The following RSF1 variants were observed in gnomAD, a reference collection of about 807,000 sequenced individuals.
The protein encoded by RSF1 is remodeling and spacing factor 1, also known as HBV pX-associated protein 8.
RSF1 carries 13 observed loss-of-function variants against 145.2 expected under a neutral mutation model. The ratio of observed to expected loss-of-function variants is 0.09; its 90% CI spans 0.06 to 0.14. RSF1 has a LOEUF of 0.14. RSF1 is among the 10% of genes least tolerant of loss of function. RSF1 has a pLI of 1.00. For synonymous variants in RSF1, 577 were observed against 592.6 expected (o/e 0.97, Z 0.38); for missense variants, 1,517 against 1,718.2 (o/e 0.88, Z 2.07).
chr11:77,768,919 CAT>C (rs2135942508), intron 1 of RSF1, among the ~76,000 whole-genome samples: 1 of 152,340 alleles, frequency 6.6e-6, no homozygotes, highest in South Asian at 2.1e-4. Context: ...CCATTAGCCA[CAT>C]GTGTCTACTG....
Position 77,692,233 on chromosome 11 carries a change from A to ATTTTTTTTTTTTTTTTTTTTTTTTT in RSF1, c.2821-1020_2821-996dup, listed in dbSNP as rs71046904. Among the ~76,000 whole-genome samples, 6 of 49,472 alleles carry ATTTTTTTTTTTTTTTTTTTTTTTTT rather than the reference A, an allele frequency of 1.2e-4. 2 individuals carry two copies. The highest frequency in any genetic ancestry group is 5.1e-4 in the African/African-American group (4 of 7,840). 32.5% of individuals were successfully genotyped at this position (49,472 alleles called of 152,430 possible). On this transcript the variant is annotated intron_variant, in intron 8 of 15. Coordinates refer to ENST00000308488, the MANE Select transcript of RSF1 (RefSeq NM_016578.4). ...AAAAAATAATTATTACTACTTTTAAATTTTTTTTTTTTTTTTTTTTTTTTT... is the reference window on the plus strand; with the variant it reads ...AAAAAATAATTATTACTACTTTTAAATTTTTTTTTTTTTTTTTTTTTTTTTTTTTTTTTTTTTTTTTTTTTTTTTT...
At chr11:77,832,959 G>A in the RSF1 span, among the ~76,000 whole-genome samples, 17 of 17,740 alleles carry the variant, frequency 9.6e-4, no homozygotes, top group African/African-American at 0.011. Context: ...ATATGTGTGT[G>A]TGTGTGTGTG....
At chr11:77,872,208 C>T in the RSF1 span, 1 of 1,613,788 alleles carries the variant, frequency 6.2e-7, no homozygotes, top group Non-Finnish European at 8.5e-7. Flanking sequence ...CCTCAAGAAA[C>T]ATGGCATTGA....
At chr11:77,778,292 A>G (rs954275653) in intron 1 of RSF1, among the ~76,000 whole-genome samples, 27 of 144,432 alleles carry the variant, frequency 1.9e-4, no homozygotes, top group Admixed American at 1.4e-4. Context: ...AGGGGAAAAA[A>G]TACCTTCAGG....
In RSF1 at chr11:77,681,835, A is replaced by G. The variant is rs1959869755; in HGVS notation, c.3065+1875T>C. Among the ~76,000 whole-genome samples the G allele has an allele frequency of 2.0e-5, 3 of 152,330 alleles. No individual in the cohort carries two copies. In the South Asian group the frequency reaches 6.2e-4, roughly 32 times the overall value. Reference sequence around the variant, plus strand: ...TTCTCTGCTTCCACAGACAAGCTTCAGGTCTTTTTCAGTATAAAACGCCAT... The same window carrying G: ...TTCTCTGCTTCCACAGACAAGCTTCGGGTCTTTTTCAGTATAAAACGCCAT... On this transcript the variant is annotated intron_variant, in intron 11 of 15. Transcript: ENST00000308488.
rs763799322 is a variant in RSF1 at position 77,747,108 on chromosome 11, A to G, written c.300T>C (p.Ser100=). ...TCTTCTCCATCTCCCATGCCCAGGT[A>G]CTGTTAAACTCTTGGCATATCTGTC... ...YLIKICQEFN[S]TWAWEMEKKG... The change falls in exon 3 of 16, where the codon AGT becomes AGC. Residue 100 remains serine (S), a synonymous_variant. Coordinates refer to ENST00000308488, the MANE Select transcript of RSF1 (RefSeq NM_016578.4). 4.3e-6 allele frequency: 7 copies of G among 1,610,296 alleles called. No individual in the cohort carries two copies. The East Asian group carries it at 1.3e-4, about 31-fold the overall frequency.
At chr11:77,705,868 A>AAACAAAAAAACCCAACAAACC (rs1960536030) in intron 5 of RSF1, among the ~76,000 whole-genome samples, 1 of 152,134 alleles carries the variant, frequency 6.6e-6, no homozygotes, top group Admixed American at 6.5e-5. Flanking sequence ...AAAACCAAAA[A>AAACAAAAAAACCCAACAAACC]AACAAAAAAA....
At chr11:77,707,085 AT>A (rs1452544991) in intron 5 of RSF1, among the ~76,000 whole-genome samples, 1 of 152,216 alleles carries the variant, frequency 6.6e-6, no homozygotes, top group African/African-American at 2.4e-5. Flanking sequence ...GTGTTTGCAC[AT>A]TGCTTTATAG....
chr11:77,715,694 C>T (rs151223806), intron 5 of RSF1, among the ~76,000 whole-genome samples: 329 of 152,314 alleles, frequency 2.2e-3, no homozygotes, highest in African/African-American at 7.1e-3. Flanking sequence ...GTGATCCTCC[C>T]GCCTCAGCCT....
At position 77,784,571 on chromosome 11, in the gene RSF1, A is replaced by G. The variant is rs114623355; in HGVS notation, c.188-19882T>C. 3.2e-3 allele frequency among the ~76,000 whole-genome samples: 484 copies of G among 152,272 alleles called. 2 individuals carry two copies. Among genetic ancestry groups the G allele is most frequent in the African/African-American group, 0.011 (473 of 41,554 alleles). On this transcript the variant is annotated intron_variant, in intron 1 of 15. Coordinates refer to ENST00000308488, the MANE Select transcript of RSF1 (RefSeq NM_016578.4). ...TGAGTAAATTAAGCTTGGATGTTGG[A>G]AAATATCAATGTTACCATGCTGCTA...
chr11:77,741,415 C>T (rs972234508), intron 3 of RSF1, among the ~76,000 whole-genome samples: 1 of 152,148 alleles, frequency 6.6e-6, no homozygotes, highest in South Asian at 2.1e-4. Flanking sequence ...TGGTGGTGCA[C>T]GCCTACAGTC....
upstream of RSF1, chr11:77,821,348 GAGAAGGTT>G (rs1249222099): frequency 1.9e-5 from 3 of 158,350 alleles, no homozygotes; most frequent in Non-Finnish European, 4.1e-5. Flanking sequence ...ACAGTTGTGG[GAGAAGGTT>G]GGGAAGGGGA....
At chr11:77,828,537 A>G in the RSF1 span, among the ~76,000 whole-genome samples, 1 of 150,988 alleles carries the variant, frequency 6.6e-6, no homozygotes, top group African/African-American at 2.4e-5. Flanking sequence ...CGGGTGGGGT[A>G]GTGGGCGCCT....
chr11:77,832,949 ATATGTGTGTGTGTGTG>A, the RSF1 span, among the ~76,000 whole-genome samples: 131 of 96,262 alleles, frequency 1.4e-3, 5 homozygotes, highest in African/African-American at 4.6e-3. Context: ...TTGTATATAT[ATATGTGTGTGTGTGTG>A]TGTGTGTGTG....
intron 9 of RSF1, among the ~76,000 whole-genome samples, chr11:77,687,176 T>C (rs768308595): frequency 6.6e-6 from 1 of 152,154 alleles, no homozygotes; most frequent in South Asian, 2.1e-4. Context: ...TGTGTATACA[T>C]GCACACACAC....
At chr11:77,845,351 T>G in the RSF1 span, among the ~76,000 whole-genome samples, 1 of 152,170 alleles carries the variant, frequency 6.6e-6, no homozygotes, top group Non-Finnish European at 1.5e-5. Flanking sequence ...TTTTGTTGAT[T>G]CTTATCTGCT....
intron 4 of RSF1, among the ~76,000 whole-genome samples, chr11:77,728,866 TAA>T (rs550635070): frequency 6.9e-6 from 1 of 143,970 alleles, no homozygotes. Flanking sequence ...GCATAACTTG[TAA>T]AAAAAAAAAA....
Position 77,693,546 on chromosome 11 carries a change from G to C in RSF1, c.2781C>G (p.Ile927Met). The C allele has an allele frequency of 6.2e-7, 1 of 1,613,924 alleles. No individual in the cohort carries two copies. Among genetic ancestry groups the C allele is most frequent in the South Asian group, 1.1e-5 (1 of 91,040 alleles). Residue 927 changes from isoleucine (I) to methionine (M), a missense_variant, in exon 8 of 16, where the codon ATC (isoleucine) becomes ATG (methionine). Physicochemically the swap from Ile to Met is conservative, Grantham distance 10. Transcript: ENST00000308488. ...HTACLRPPLMIIPDGEWFCPP... is the reference protein window; with the variant it reads ...HTACLRPPLMMIPDGEWFCPP... ...GGCAGAACCATTCTCCATCTGGGATGATCATCAGAGGAGGGCGAAGGCAGG... is the reference window on the plus strand; with the variant it reads ...GGCAGAACCATTCTCCATCTGGGATCATCATCAGAGGAGGGCGAAGGCAGG...
Position 77,742,424 on chromosome 11 carries a change from G to C in RSF1, c.373-1488C>G, listed in dbSNP as rs574934819. On this transcript the variant is annotated intron_variant, in intron 3 of 15. Coordinates refer to ENST00000308488, the MANE Select transcript of RSF1 (RefSeq NM_016578.4). The stretch of plus-strand genomic sequence containing the variant: ...CCTCCTGAGTAGCTGGGACTACAGG[G>C]GCGTGCCACCATGCCCAGCTAATTT... Among the ~76,000 whole-genome samples, 3 of 152,062 alleles carry C rather than the reference G, an allele frequency of 2.0e-5. No homozygotes were observed. In the South Asian group the frequency reaches 6.2e-4, roughly 32 times the overall value.
Sources: allele counts gnomAD v4.1 joint callset (sites outside exome capture counted in the v4.1 genomes callset), GRCh38; gene constraint gnomAD v4.1.1; transcripts MANE v1.5; gene names NCBI Gene and HGNC (gene_info 2026-07-23, HGNC 2026-07-21).